The following ZNF235 variants were observed in gnomAD, a reference collection of about 807,000 sequenced individuals.
ZNF235 encodes zinc finger protein 235, also known as zfp-93.
Under a neutral mutation model 29.4 loss-of-function variants are expected in ZNF235, and 25 were observed. The observed-to-expected ratio is 0.85, with a 90% CI of 0.62 to 1.19. The LOEUF (loss-of-function observed/expected upper bound fraction) is 1.19, where lower values mean the gene tolerates loss of function less well. Among genes scored for constraint, ZNF235 ranks in the 50% most tolerant of loss-of-function variants. ZNF235 has a pLI of 0.00. For missense variants in ZNF235, 788 were observed against 885.0 expected (o/e 0.89, Z 1.39); for synonymous variants, 300 against 295.3 (o/e 1.02, Z -0.16).
intron 4 of ZNF235, among the ~76,000 whole-genome samples, chr19:44,297,847 G>C (rs948554290): frequency 6.6e-6 from 1 of 152,196 alleles, no homozygotes; most frequent in Non-Finnish European, 1.5e-5. Context: ...GCTGGGCGCA[G>C]TGGCTCACAT....
chr19:44,302,982 TTATATATAAA>T (rs1159722861), intron 2 of ZNF235, among the ~76,000 whole-genome samples: 3 of 117,032 alleles, frequency 2.6e-5, no homozygotes, highest in Non-Finnish European at 4.7e-5. Context: ...ATGTATATAT[TTATATATAAA>T]TATATACATA....
intron 4 of ZNF235, among the ~76,000 whole-genome samples, chr19:44,296,277 G>A (rs577252539): frequency 6.6e-6 from 1 of 152,242 alleles, no homozygotes; most frequent in South Asian, 2.1e-4. Context: ...AAGACAGTAT[G>A]GATATACAGA....
Position 44,287,742 on chromosome 19 carries a change from GGA to G in ZNF235, c.1691_1692del (p.Val564AlafsTer10). On this transcript the variant is annotated frameshift_variant, in exon 5 of 5. Transcript: ENST00000291182. LOFTEE classifies it high-confidence loss of function. ...WSLNLHNHQR[V>X]HTGEKPYKCE... ...CATTTGTAGGGTTTCTCTCCGGTGTGGACTCTCTGATGATTGTGAAGATTCAA... is the reference window on the plus strand; with the variant it reads ...CATTTGTAGGGTTTCTCTCCGGTGTGCTCTCTGATGATTGTGAAGATTCAA... 6.2e-7 allele frequency: 1 copy of G among 1,614,076 alleles called. No homozygotes were observed. Among genetic ancestry groups the G allele is most frequent in the Non-Finnish European group, 8.5e-7 (1 of 1,180,012 alleles).
At chr19:44,302,146 C>T (rs932913312) in intron 2 of ZNF235, among the ~76,000 whole-genome samples, 5 of 152,112 alleles carry the variant, frequency 3.3e-5, no homozygotes, top group Admixed American at 3.3e-4. Flanking sequence ...ACTTTATTCT[C>T]TCCATAAAAT....
rs1420131687 is a variant in ZNF235 at position 44,287,610 on chromosome 19, T to G, written c.1825A>C (p.Ser609Arg). The change falls in exon 5 of 5, where the codon AGT becomes CGT. Residue 609 changes from serine to arginine, a missense_variant. Ser to Arg is a moderately radical substitution (Grantham distance 110). Transcript: ENST00000291182. Reference sequence around the variant, plus strand: ...TGGGCTTGAAGGTGTGAGGCCTGACTGAATCGCTTCTGACATGCATCACAC... The same window carrying G: ...TGGGCTTGAAGGTGTGAGGCCTGACGGAATCGCTTCTGACATGCATCACAC... ...FKCDACQKRF[S>R]QASHLQAHQR... The G allele has an allele frequency of 6.2e-7, 1 of 1,614,162 alleles. No homozygotes were observed. Among genetic ancestry groups the G allele is most frequent in the South Asian group, 1.1e-5 (1 of 91,088 alleles).
At chr19:44,303,161 T>G (rs1258349922) in intron 2 of ZNF235, among the ~76,000 whole-genome samples, 1 of 136,080 alleles carries the variant, frequency 7.3e-6, no homozygotes, top group Non-Finnish European at 1.5e-5. Flanking sequence ...TATATACGTA[T>G]ATATAAATAT....
At position 44,288,689 on chromosome 19, in the gene ZNF235, G is replaced by A. The variant is rs867610646; in HGVS notation, c.746C>T (p.Ser249Leu). ...GTGAATACTACGCTGGGTAAGAGGT[G>A]ATACCTTTAGGGTATCTTTACCACA... is the stretch of plus-strand genomic sequence containing the variant. ...SDCGKDTLKV[S>L]PLTQRSIHTG... The change falls in exon 5 of 5, where the codon TCA becomes TTA. Residue 249 changes from serine to leucine, a missense_variant. Transcript: ENST00000291182. 1 of 1,614,108 alleles carries A rather than the reference G, an allele frequency of 6.2e-7. No individual in the cohort carries two copies. The highest frequency in any genetic ancestry group is 1.7e-4 in the Middle Eastern group (1 of 6,056).
chr19:44,302,473 C>T (rs972898331), intron 2 of ZNF235, among the ~76,000 whole-genome samples: 1 of 151,972 alleles, frequency 6.6e-6, no homozygotes, highest in Non-Finnish European at 1.5e-5. Context: ...GATTTGTAAA[C>T]ATATTTGTAA....
chr19:44,287,310 TCTCTCCAGTGTGGA>T lies in ZNF235; in HGVS notation c.2111_2124del (p.Val704GlufsTer6). ...CAACAGACATCACATATGTAAGGCC[TCTCTCCAGTGTGGA>T]CTCTCTGGTGTGTGTGAAAATGTGA... On this transcript the variant is annotated frameshift_variant, in exon 5 of 5. Coordinates refer to ENST00000291182, the MANE Select transcript of ZNF235 (RefSeq NM_004234.4). LOFTEE classifies it high-confidence loss of function. The T allele has an allele frequency of 6.2e-7, 1 of 1,613,868 alleles. No individual in the cohort carries two copies. The highest frequency in any genetic ancestry group is 8.5e-7 in the Non-Finnish European group (1 of 1,179,764).
In ZNF235 at chr19:44,289,334, A is replaced by G. The variant is rs192883336; in HGVS notation, c.239-138T>C. 124 of 763,004 alleles carry G rather than the reference A, an allele frequency of 1.6e-4. No homozygotes were observed. In the African/African-American group the frequency reaches 2.0e-3, roughly 13 times the overall value. The allele number at this position is 763,004 out of a possible 1,614,324, so 47.3% of individuals were successfully genotyped here. Reference sequence around the variant, plus strand: ...GACTGGCTGAAATAAATTTATAGGAACTCTGAAAAGCAGCTGCAACCAAGA... The same window carrying G: ...GACTGGCTGAAATAAATTTATAGGAGCTCTGAAAAGCAGCTGCAACCAAGA... On this transcript the variant is annotated intron_variant, in intron 4 of 4. Coordinates refer to ENST00000291182, the MANE Select transcript of ZNF235 (RefSeq NM_004234.4).
At chr19:44,291,184 GAGTCA>G (rs1213014306) in intron 4 of ZNF235, among the ~76,000 whole-genome samples, 1 of 152,112 alleles carries the variant, frequency 6.6e-6, no homozygotes, top group Non-Finnish European at 1.5e-5. Context: ...GATGCAAAAG[GAGTCA>G]AGTCATACAA....
chr19:44,303,441 GGGGAAGTGAACCTGA>G lies in ZNF235; in HGVS notation c.-48-4_-38del. The G allele has an allele frequency of 6.2e-7, 1 of 1,607,128 alleles. No individual in the cohort carries two copies. On this transcript the variant is annotated splice_acceptor_variant and splice_polypyrimidine_tract_variant and 5_prime_UTR_variant and intron_variant, in exon 2 of 5. Coordinates refer to ENST00000291182, the MANE Select transcript of ZNF235 (RefSeq NM_004234.4). LOFTEE classifies it low-confidence loss of function (5UTR_SPLICE). The stretch of plus-strand genomic sequence containing the variant: ...TCCTTCTGGGAAAAGGCAGAGTTCC[GGGGAAGTGAACCTGA>G]GGGAGGGAAAGGCATCATGAGATAG...
chr19:44,303,394 A>C lies in ZNF235; in HGVS notation c.11T>G (p.Phe4Cys), dbSNP rs1057220778. MTKFQEAVTFKDVA... is the reference protein window; with the variant it reads MTKCQEAVTFKDVA... ...ACAAAGGCAAACCAAACTTACCTGGAACTTGGTCATTTTTCCCCTCCTCCT... is the reference window on the plus strand; with the variant it reads ...ACAAAGGCAAACCAAACTTACCTGGCACTTGGTCATTTTTCCCCTCCTCCT... The change falls in exon 2 of 5, where the codon TTC becomes TGC. Residue 4 changes from phenylalanine (F) to cysteine (C), a missense_variant. Coordinates refer to ENST00000291182, the MANE Select transcript of ZNF235 (RefSeq NM_004234.4). 4 of 1,611,728 alleles carry C rather than the reference A, an allele frequency of 2.5e-6. No homozygotes were observed. Among genetic ancestry groups the C allele is most frequent in the Non-Finnish European group, 3.4e-6 (4 of 1,178,608 alleles).
At position 44,288,810 on chromosome 19, in the gene ZNF235, T is replaced by G; in HGVS notation, c.625A>C (p.Ile209Leu). Reference sequence around the variant, plus strand: ...AAAATGTCAACATATGGAGCAAATATACATAGTTTGTTTTTCATCTGAGTC... The same window carrying G: ...AAAATGTCAACATATGGAGCAAATAGACATAGTTTGTTTTTCATCTGAGTC... ...KQTQMKNKLC[I>L]FAPYVDIFSC... Residue 209 changes from isoleucine (I) to leucine (L), a missense_variant, in exon 5 of 5, where the codon ATA becomes CTA. By Grantham distance (5) the Ile-to-Leu change is conservative. Coordinates refer to ENST00000291182, the MANE Select transcript of ZNF235 (RefSeq NM_004234.4). 1 of 1,613,528 alleles carries G rather than the reference T, an allele frequency of 6.2e-7. No individual in the cohort carries two copies. Among genetic ancestry groups the G allele is most frequent in the South Asian group, 1.1e-5 (1 of 91,020 alleles).
intron 2 of ZNF235, among the ~76,000 whole-genome samples, chr19:44,303,186 A>C (rs1975779959): frequency 7.3e-6 from 1 of 137,438 alleles, no homozygotes. Flanking sequence ...TTATATAGAA[A>C]TATATTTTAG....
At chr19:44,299,873 C>T in intron 2 of ZNF235, 141 bp from the exon 3 acceptor site, 1 of 1,278,922 alleles carries the variant, frequency 7.8e-7, no homozygotes, top group South Asian at 1.3e-5. Context: ...ACACCTTGTA[C>T]ATGTAACGTG....
At chr19:44,291,430 GA>G (rs756999431) in intron 4 of ZNF235, among the ~76,000 whole-genome samples, 1 of 151,918 alleles carries the variant, frequency 6.6e-6, no homozygotes, top group Non-Finnish European at 1.5e-5. Flanking sequence ...AAAAACACAA[GA>G]ACAAATTAAA....
At chr19:44,293,366 TAAAC>T (rs1425619240) in intron 4 of ZNF235, among the ~76,000 whole-genome samples, 1 of 151,822 alleles carries the variant, frequency 6.6e-6, no homozygotes, top group African/African-American at 2.4e-5. Flanking sequence ...AAGTGATCAA[TAAAC>T]AAATAAGATA....
At chr19:44,300,072 G>A (rs73937513) in intron 2 of ZNF235, among the ~76,000 whole-genome samples, 3,281 of 152,224 alleles carry the variant, frequency 0.022, 74 homozygotes, top group African/African-American at 0.061. Flanking sequence ...GCACAAGTAC[G>A]CAGTTCACTC....
Sources: allele counts gnomAD v4.1 joint callset (sites outside exome capture counted in the v4.1 genomes callset), GRCh38; gene constraint gnomAD v4.1.1; transcripts MANE v1.5; gene names NCBI Gene and HGNC (gene_info 2026-07-23, HGNC 2026-07-21).